Variants in TBCEL observed in about 807,000 individuals in gnomAD.
The protein encoded by TBCEL is tubulin-specific chaperone cofactor E-like protein.
Under a neutral mutation model 44.2 loss-of-function variants are expected in TBCEL, and 15 were observed. The ratio of observed to expected loss-of-function variants is 0.34; its 90% CI spans 0.23 to 0.52. TBCEL has a LOEUF of 0.52. Among genes scored for constraint, TBCEL ranks in the 20% least tolerant of loss-of-function variants. TBCEL has a pLI of 0.95. For synonymous variants in TBCEL, 171 were observed against 185.4 expected, an observed-to-expected ratio of 0.92 and a Z score of 0.63; for missense variants, 319 against 506.3, an observed-to-expected ratio of 0.63 and a Z score of 3.55.
At chr11:121,048,477 G>C (rs763697269) in intron 4 of TBCEL, among the ~76,000 whole-genome samples, 2 of 151,814 alleles carry the variant, frequency 1.3e-5, no homozygotes, top group Non-Finnish European at 2.9e-5. Context: ...TGAAGAAGAA[G>C]GTTAAAATGT....
chr11:121,061,344 G>T (rs1945717078), intron 8 of TBCEL, among the ~76,000 whole-genome samples: 3 of 151,822 alleles, frequency 2.0e-5, no homozygotes, highest in Admixed American at 2.0e-4. Context: ...TTAACTTCCA[G>T]TCTACTACAA....
At chr11:121,060,433 T>C (rs1945701722) in intron 8 of TBCEL, among the ~76,000 whole-genome samples, 1 of 151,932 alleles carries the variant, frequency 6.6e-6, no homozygotes, top group Non-Finnish European at 1.5e-5. Flanking sequence ...TTCATTCATG[T>C]TGGATCTACT....
chr11:121,071,932 G>A (rs1945941505), intron 8 of TBCEL, among the ~76,000 whole-genome samples: 1 of 152,092 alleles, frequency 6.6e-6, no homozygotes, highest in Non-Finnish European at 1.5e-5. Flanking sequence ...TGAGTCTCCT[G>A]GGGTTCTCCA....
At chr11:121,079,728 T>TA (rs1258976628) in intron 8 of TBCEL, among the ~76,000 whole-genome samples, 1 of 152,218 alleles carries the variant, frequency 6.6e-6, no homozygotes. Context: ...AAGCATACTA[T>TA]AGCAAGAGAC....
chr11:121,049,775 T>C (rs201796595), intron 4 of TBCEL, among the ~76,000 whole-genome samples: 1 of 151,806 alleles, frequency 6.6e-6, no homozygotes, highest in East Asian at 1.9e-4. Flanking sequence ...AATAGTGATG[T>C]AGTTGCTACC....
At chr11:121,041,539 C>T (rs1259475137) in intron 2 of TBCEL, among the ~76,000 whole-genome samples, 1 of 152,108 alleles carries the variant, frequency 6.6e-6, no homozygotes, top group Non-Finnish European at 1.5e-5. Context: ...AACAGTTTTA[C>T]AAATGCATTA....
chr11:121,068,882 G>GT (rs1377356330), intron 8 of TBCEL, among the ~76,000 whole-genome samples: 2 of 143,070 alleles, frequency 1.4e-5, no homozygotes, highest in African/African-American at 5.2e-5. Flanking sequence ...GCAAGGCTCC[G>GT]TCTCAAAAAA....
intron 1 of TBCEL, among the ~76,000 whole-genome samples, chr11:121,034,663 A>C (rs1027355941): frequency 3.9e-5 from 6 of 152,322 alleles, no homozygotes; most frequent in African/African-American, 1.2e-4. Context: ...GGATATGGTT[A>C]TTACTCTCAA....
In TBCEL at chr11:121,089,836, C is replaced by G. The variant is rs1020948341; in HGVS notation, c.*2740C>G. The G allele has an allele frequency of 2.6e-5, 4 of 151,964 alleles. No individual in the cohort carries two copies. The highest frequency in any genetic ancestry group is 9.7e-5 in the African/African-American group (4 of 41,350). The allele number at this position is 151,964 out of a possible 1,614,324, so 9.4% of individuals were successfully genotyped here. A position where few individuals can be genotyped will look rare whatever the true frequency, so the allele number is the denominator to read the frequency against. On this transcript the variant is annotated 3_prime_UTR_variant, in exon 9 of 9. Transcript: ENST00000683345. ...CTACAGACACAATGTATAGAACATA[C>G]CTTTTCTAAAATAGGAATTATTTCC...
chr11:121,054,435 C>G (rs1945584166), intron 5 of TBCEL, among the ~76,000 whole-genome samples: 1 of 151,840 alleles, frequency 6.6e-6, no homozygotes, highest in South Asian at 2.1e-4. Context: ...AGAGAATGAG[C>G]TTTTAAGTGC....
intron 8 of TBCEL, among the ~76,000 whole-genome samples, chr11:121,075,918 A>T (rs1033537039): frequency 9.2e-5 from 14 of 151,930 alleles, no homozygotes; most frequent in African/African-American, 3.4e-4. Flanking sequence ...TATGGGTGCC[A>T]GTTACTCCAG....
rs138874594 is a variant in TBCEL, at chr11:121,066,741, C to T, written c.956+6656C>T. On this transcript the variant is annotated intron_variant, in intron 8 of 8. Coordinates refer to ENST00000683345, the MANE Select transcript of TBCEL (RefSeq NM_001363644.2). ...ATATAAACAGAGTATTAGTATTATACTTATCTCTTTCTCTTCCAAATTATA... is the reference window on the plus strand; with the variant it reads ...ATATAAACAGAGTATTAGTATTATATTTATCTCTTTCTCTTCCAAATTATA... Among the ~76,000 whole-genome samples, 58 of 152,266 alleles carry T rather than the reference C, an allele frequency of 3.8e-4. 2 individuals are homozygous for T. In the East Asian group the frequency reaches 0.011, roughly 28 times the overall value.
chr11:121,058,733 AGAATATTT>A (rs1481229140), intron 7 of TBCEL, among the ~76,000 whole-genome samples: 2 of 151,896 alleles, frequency 1.3e-5, no homozygotes, highest in African/African-American at 4.8e-5. Flanking sequence ...TTCAATACTT[AGAATATTT>A]GAAGTCCTGT....
intron 2 of TBCEL, among the ~76,000 whole-genome samples, chr11:121,038,365 A>C (rs1450776981): frequency 6.6e-6 from 1 of 152,174 alleles, no homozygotes; most frequent in Non-Finnish European, 1.5e-5. Flanking sequence ...AATATGTAAC[A>C]TATACATATG....
intron 1 of TBCEL, among the ~76,000 whole-genome samples, chr11:121,033,423 A>G (rs1166392145): frequency 1.3e-5 from 2 of 152,190 alleles, no homozygotes; most frequent in Admixed American, 1.3e-4. Context: ...GATTCCAAGA[A>G]AAAGATAAAT....
chr11:121,057,960 A>G (rs778252794), intron 6 of TBCEL, among the ~76,000 whole-genome samples: 2 of 151,814 alleles, frequency 1.3e-5, no homozygotes, highest in African/African-American at 2.4e-5. Context: ...GTTTTATTCC[A>G]TGAGTCTATA....
rs535254472 is a variant in TBCEL, at chr11:121,063,282, A to G, written c.956+3197A>G. ...AATAGGAACAATTCAGAAAAAAAAA[A>G]TAGTAAGTGTTACTGTCTTCTACTA... On this transcript the variant is annotated intron_variant, in intron 8 of 8. Coordinates refer to ENST00000683345, the MANE Select transcript of TBCEL (RefSeq NM_001363644.2). Among the ~76,000 whole-genome samples the G allele has an allele frequency of 2.9e-4, 44 of 152,316 alleles. 4 individuals are homozygous for G. The East Asian group carries it at 4.2e-3, about 15-fold the overall frequency.
intron 2 of TBCEL, among the ~76,000 whole-genome samples, chr11:121,042,718 T>G (rs567803611): frequency 4.6e-5 from 7 of 152,270 alleles, no homozygotes; most frequent in African/African-American, 1.7e-4. Flanking sequence ...ATTTGTAAAT[T>G]GATTCCACAA....
At chr11:121,028,040 A>G (rs138335317) in intron 1 of TBCEL, among the ~76,000 whole-genome samples, 1,847 of 151,992 alleles carry the variant, frequency 0.012, 37 homozygotes, top group African/African-American at 0.043. Flanking sequence ...ACCCATCTCT[A>G]TGAAAAATTA....
Sources: gnomAD v4.1 joint callset for allele counts (sites outside exome capture counted in the v4.1 genomes callset) on GRCh38, gnomAD v4.1.1 for gene constraint, MANE v1.5 for transcripts, NCBI Gene and HGNC (gene_info 2026-07-23, HGNC 2026-07-21) for gene names.